The following SEMA3E variants were observed in gnomAD, a reference collection of about 807,000 sequenced individuals.
The protein encoded by SEMA3E is semaphorin-3E.
Under a neutral mutation model 93.6 loss-of-function variants are expected in SEMA3E, and 49 were observed. The observed-to-expected ratio is 0.52, with a 90% CI of 0.42 to 0.66. The LOEUF is 0.66. Ranked by LOEUF, SEMA3E falls within the 30% of genes least tolerant of loss-of-function variation. The pLI is 0.00. For synonymous variants in SEMA3E, 363 were observed against 330.7 expected (o/e 1.10, Z -1.06); for missense variants, 906 against 964.8 (o/e 0.94, Z 0.81).
intron 4 of SEMA3E, among the ~76,000 whole-genome samples, chr7:83,433,255 T>C (rs1451564900): frequency 1.3e-5 from 2 of 152,080 alleles, no homozygotes; most frequent in Admixed American, 6.5e-5. Flanking sequence ...GAAAGAACGT[T>C]AAAATGTAAA....
At chr7:83,395,498 C>G (rs1413643705) in intron 12 of SEMA3E, among the ~76,000 whole-genome samples, 1 of 152,164 alleles carries the variant, frequency 6.6e-6, no homozygotes, top group Non-Finnish European at 1.5e-5. Flanking sequence ...GTTTTTAACT[C>G]ATGGGCACAT....
intron 1 of SEMA3E, among the ~76,000 whole-genome samples, chr7:83,514,760 T>A (rs1790893435): frequency 6.6e-6 from 1 of 152,096 alleles, no homozygotes; most frequent in Admixed American, 6.6e-5. Flanking sequence ...TACATGGCCA[T>A]TATTAACTAG....
At chr7:83,514,254 GCCCTC>G (rs1441230866) in intron 1 of SEMA3E, among the ~76,000 whole-genome samples, 1 of 152,024 alleles carries the variant, frequency 6.6e-6, no homozygotes, top group Admixed American at 6.5e-5. Context: ...GCAACCAGCA[GCCCTC>G]AGGGCTGCTG....
intron 1 of SEMA3E, among the ~76,000 whole-genome samples, chr7:83,536,047 G>A (rs1791405911): frequency 1.3e-5 from 2 of 152,126 alleles, no homozygotes; most frequent in South Asian, 4.1e-4. Context: ...TGCTGTTTTT[G>A]TGAAGCAGCC....
At position 83,552,754 on chromosome 7, in the gene SEMA3E, G is replaced by A. The variant is rs139171329; in HGVS notation, c.116-62480C>T. ...GCAGTACCCTCAGGCTTACTAGGGTGGCGAAAAACTCCACCCTGGCAAATT... is the reference window on the plus strand; with the variant it reads ...GCAGTACCCTCAGGCTTACTAGGGTAGCGAAAAACTCCACCCTGGCAAATT... On this transcript the variant is annotated intron_variant, in intron 1 of 16. Transcript: ENST00000643230. Among the ~76,000 whole-genome samples the A allele has an allele frequency of 4.8e-3, 725 of 152,176 alleles. 6 individuals are homozygous for A. The highest frequency in any genetic ancestry group is 0.015 in the African/African-American group (627 of 41,516).
chr7:83,538,914 T>C (rs1478645191), intron 1 of SEMA3E, among the ~76,000 whole-genome samples: 5 of 152,196 alleles, frequency 3.3e-5, no homozygotes, highest in Non-Finnish European at 7.3e-5. Flanking sequence ...TTCCCGTCGC[T>C]CTCTCTTATG....
At chr7:83,484,653 C>T (rs1026603951) in intron 2 of SEMA3E, among the ~76,000 whole-genome samples, 1 of 151,318 alleles carries the variant, frequency 6.6e-6, no homozygotes, top group African/African-American at 2.5e-5. Flanking sequence ...CCACCCTACT[C>T]TCCTCACCAA....
At chr7:83,459,344 A>G (rs981481802) in intron 4 of SEMA3E, among the ~76,000 whole-genome samples, 1 of 152,230 alleles carries the variant, frequency 6.6e-6, no homozygotes, top group African/African-American at 2.4e-5. Flanking sequence ...TCTATAACCA[A>G]GGAAAATTCC....
At chr7:83,408,259 T>C (rs1338471969) in intron 6 of SEMA3E, 109 bp downstream of exon 6, 1 of 1,265,532 alleles carries the variant, frequency 7.9e-7, no homozygotes, top group East Asian at 2.5e-5. Flanking sequence ...TTCTGAAATT[T>C]GTAAAGGAAT....
At chr7:83,445,633 G>A (rs140933625) in intron 4 of SEMA3E, among the ~76,000 whole-genome samples, 1,740 of 152,224 alleles carry the variant, frequency 0.011, 37 homozygotes, top group African/African-American at 0.04. Context: ...CAGGAGAATC[G>A]CTTGAACCCA....
intron 4 of SEMA3E, among the ~76,000 whole-genome samples, chr7:83,423,020 A>T (rs959522760): frequency 1.4e-4 from 21 of 152,176 alleles, no homozygotes; most frequent in African/African-American, 5.1e-4. Flanking sequence ...TTAGCCTGTG[A>T]CTGTGGTATT....
chr7:83,457,828 T>C (rs956522599), intron 4 of SEMA3E, among the ~76,000 whole-genome samples: 6 of 152,158 alleles, frequency 3.9e-5, no homozygotes, highest in Admixed American at 1.3e-4. Flanking sequence ...CCCAGTTTTA[T>C]CTCCTGCTGT....
chr7:83,579,865 T>C (rs183345), intron 1 of SEMA3E, among the ~76,000 whole-genome samples: 64,532 of 151,702 alleles, frequency 0.43, 14,769 homozygotes, highest in African/African-American at 0.6. Context: ...AGAAAAGTAG[T>C]TAATACTAGC....
chr7:83,416,993 A>G (rs1036870918), intron 5 of SEMA3E, among the ~76,000 whole-genome samples: 5 of 65,048 alleles, frequency 7.7e-5, no homozygotes, highest in Admixed American at 2.0e-4. Context: ...ATACACACAC[A>G]CACACACACA....
At chr7:83,450,026 T>C (rs1789322569) in intron 4 of SEMA3E, among the ~76,000 whole-genome samples, 1 of 152,120 alleles carries the variant, frequency 6.6e-6, no homozygotes, top group Non-Finnish European at 1.5e-5. Context: ...TCAATAAGCA[T>C]ATAAAAGGCA....
chr7:83,486,656 T>C (rs1790263419), intron 2 of SEMA3E, among the ~76,000 whole-genome samples: 1 of 152,094 alleles, frequency 6.6e-6, no homozygotes. Context: ...TTGCTTATCA[T>C]TCTGAAGAAA....
Position 83,532,909 on chromosome 7 carries a change from C to T in SEMA3E, c.116-42635G>A, listed in dbSNP as rs1223109312. Among the ~76,000 whole-genome samples, 24 of 151,962 alleles carry T rather than the reference C, an allele frequency of 1.6e-4. 1 individual carries two copies. The highest frequency in any genetic ancestry group is 1.6e-3 in the Admixed American group (24 of 15,254). On this transcript the variant is annotated intron_variant, in intron 1 of 16. Coordinates refer to ENST00000643230, the MANE Select transcript of SEMA3E (RefSeq NM_012431.3). ...TCTGTAATGTAAGAAATTCTCACCA[C>T]GGGAACTCTCATCACTAAAGATGTT...
intron 4 of SEMA3E, among the ~76,000 whole-genome samples, chr7:83,434,627 C>T (rs1418883011): frequency 1.3e-5 from 2 of 152,044 alleles, no homozygotes; most frequent in Non-Finnish European, 2.9e-5. Context: ...TTTGTTCTTC[C>T]TGATGCCAAT....
chr7:83,548,452 A>G (rs1330498460), intron 1 of SEMA3E, among the ~76,000 whole-genome samples: 5 of 152,038 alleles, frequency 3.3e-5, no homozygotes, highest in Non-Finnish European at 1.5e-5. Flanking sequence ...TAAATTATAC[A>G]TGACTCTGAG....
Sources: allele counts gnomAD v4.1 joint callset (sites outside exome capture counted in the v4.1 genomes callset), GRCh38; gene constraint gnomAD v4.1.1; transcripts MANE v1.5; gene names NCBI Gene and HGNC (gene_info 2026-07-23, HGNC 2026-07-21).